Variants in ABCA9 observed in about 807,000 individuals in gnomAD.
The protein encoded by ABCA9 is ATP binding cassette subfamily A member 9.
In ABCA9, 183 loss-of-function variants were observed where a neutral mutation model predicts 205.3. The observed-to-expected ratio is 0.89, with a 90% CI of 0.79 to 1.01. The LOEUF is 1.01. Ranked by LOEUF, ABCA9 falls within the 50% of genes least tolerant of loss-of-function variation. The pLI, the probability that ABCA9 is intolerant of heterozygous loss-of-function variation, is 0.00. For synonymous variants in ABCA9, 651 were observed against 683.3 expected, an observed-to-expected ratio of 0.95 and a Z score of 0.74; for missense variants, 1,805 against 1,912.4, an observed-to-expected ratio of 0.94 and a Z score of 1.05.
intron 3 of ABCA9, among the ~76,000 whole-genome samples, chr17:69,047,732 A>G (rs1415984896): frequency 1.3e-5 from 2 of 152,202 alleles, no homozygotes; most frequent in African/African-American, 4.8e-5. Flanking sequence ...GTCACAAGAC[A>G]TGCCTAAGTT....
At chr17:69,028,767 T>C in intron 11 of ABCA9, 122 bp from the exon 12 acceptor site, 1 of 490,712 alleles carries the variant, frequency 2.0e-6, no homozygotes, top group Non-Finnish European at 3.4e-6. Context: ...ATAAAATTCA[T>C]CTTAAAATTC....
At chr17:69,076,094 T>C in the ABCA9 span, among the ~76,000 whole-genome samples, 1 of 152,156 alleles carries the variant, frequency 6.6e-6, no homozygotes, top group African/African-American at 2.4e-5. Flanking sequence ...CTTGTCTTGT[T>C]GCAGTTTTCA....
chr17:69,065,628 G>A (rs543572470), upstream of ABCA9, among the ~76,000 whole-genome samples: 4 of 151,956 alleles, frequency 2.6e-5, no homozygotes, highest in African/African-American at 9.7e-5. Flanking sequence ...AACTAACTCC[G>A]GTTCACAAGT....
chr17:69,037,835 A>G (rs539517948), intron 6 of ABCA9, among the ~76,000 whole-genome samples: 1 of 152,164 alleles, frequency 6.6e-6, no homozygotes, highest in Non-Finnish European at 1.5e-5. Flanking sequence ...ACTAATAAAG[A>G]AGAAAAGAGA....
At chr17:68,981,757 G>T (rs1296741914) in intron 37 of ABCA9, among the ~76,000 whole-genome samples, 1 of 147,590 alleles carries the variant, frequency 6.8e-6, no homozygotes, top group East Asian at 2.0e-4. Flanking sequence ...AACCCAGGAG[G>T]CAGAGGTGCA....
chr17:69,019,001 C>T (rs1025734585), intron 19 of ABCA9, among the ~76,000 whole-genome samples: 1 of 152,044 alleles, frequency 6.6e-6, no homozygotes, highest in African/African-American at 2.4e-5. Context: ...TTTCTCATTC[C>T]CCTGGGCACC....
At chr17:69,024,586 G>A (rs1351560521) in intron 16 of ABCA9, among the ~76,000 whole-genome samples, 1 of 152,104 alleles carries the variant, frequency 6.6e-6, no homozygotes, top group African/African-American at 2.4e-5. Context: ...GGTAACTCAA[G>A]GACTCTTATT....
chr17:69,043,433 A>T (rs1180362728), intron 6 of ABCA9, 56 bp downstream of exon 6: 2 of 1,414,802 alleles, frequency 1.4e-6, no homozygotes, highest in African/African-American at 2.9e-5. Flanking sequence ...GGAGTCAACC[A>T]GCTAAGTTGT....
At chr17:69,064,116 G>A (rs1229807536), upstream of ABCA9, among the ~76,000 whole-genome samples, 2 of 152,212 alleles carry the variant, frequency 1.3e-5, no homozygotes, top group African/African-American at 2.4e-5. Context: ...CAGGGAAGGG[G>A]ATGTAAGTCC....
chr17:69,061,705 T>C (rs1416144553), upstream of ABCA9, among the ~76,000 whole-genome samples: 1 of 152,252 alleles, frequency 6.6e-6, no homozygotes, highest in East Asian at 1.9e-4. Context: ...TTTCCAGTAT[T>C]GTTAGAGAAA....
At chr17:69,063,617 T>G (rs35753767), upstream of ABCA9, among the ~76,000 whole-genome samples, 54,357 of 151,590 alleles carry the variant, frequency 0.36, 10,054 homozygotes, top group East Asian at 0.68. Context: ...TTGTTTTTTT[T>G]TGTGTGTGTG....
intron 1 of ABCA9, among the ~76,000 whole-genome samples, chr17:69,057,341 G>C (rs1349150869): frequency 6.6e-6 from 1 of 152,200 alleles, no homozygotes; most frequent in Admixed American, 6.5e-5. Context: ...TTTTCAATGA[G>C]AGACAATCAC....
chr17:69,021,167 GA>G (rs2070794494), intron 18 of ABCA9, among the ~76,000 whole-genome samples: 1 of 151,412 alleles, frequency 6.6e-6, no homozygotes, highest in East Asian at 1.9e-4. Context: ...AATAAGAGAG[GA>G]AAAGGAGGAT....
At chr17:69,000,760 C>T (rs1481317657) in intron 25 of ABCA9, among the ~76,000 whole-genome samples, 1 of 151,294 alleles carries the variant, frequency 6.6e-6, no homozygotes, top group African/African-American at 2.4e-5. Context: ...TACCCATGAG[C>T]ATGGAATGTT....
In ABCA9 at chr17:69,033,723, T is replaced by TA; in HGVS notation, c.1276+2dup. On this transcript the variant is annotated splice_region_variant and intron_variant, in intron 9 of 38. Transcript: ENST00000340001. ...GTTAAATTACAGCCATGTTAGTACT[T>TA]ACCGGGCAAAATTTTGTCAAAATAT... 1 of 1,605,696 alleles carries TA rather than the reference T, an allele frequency of 6.2e-7. No individual in the cohort carries two copies. Among genetic ancestry groups the TA allele is most frequent in the Non-Finnish European group, 8.5e-7 (1 of 1,175,632 alleles).
intron 32 of ABCA9, among the ~76,000 whole-genome samples, chr17:68,985,727 A>G (rs2069210352): frequency 6.6e-6 from 1 of 152,200 alleles, no homozygotes; most frequent in Non-Finnish European, 1.5e-5. Flanking sequence ...TGGGAGGCCA[A>G]GGTGGGCAGA....
In ABCA9 at chr17:68,975,904, T is replaced by A; in HGVS notation, c.*11A>T. The A allele has an allele frequency of 6.3e-7, 1 of 1,591,870 alleles. No homozygotes were observed. Among genetic ancestry groups the A allele is most frequent in the South Asian group, 1.1e-5 (1 of 89,648 alleles). Reference sequence around the variant, plus strand: ...CACAGGATTAAAGAAAGATATAGGGTATTTGGAGCTTTAAGGCTCTTCCTG... The same window carrying A: ...CACAGGATTAAAGAAAGATATAGGGAATTTGGAGCTTTAAGGCTCTTCCTG... On this transcript the variant is annotated 3_prime_UTR_variant, in exon 39 of 39. Coordinates refer to ENST00000340001, the MANE Select transcript of ABCA9 (RefSeq NM_080283.4).
chr17:69,041,969 C>G (rs2071560223), intron 6 of ABCA9, among the ~76,000 whole-genome samples: 1 of 152,144 alleles, frequency 6.6e-6, no homozygotes, highest in African/African-American at 2.4e-5. Context: ...GTAGCATACG[C>G]CCAGAACCCT....
At chr17:68,979,466 G>T (rs996698625) in intron 37 of ABCA9, among the ~76,000 whole-genome samples, 2 of 150,802 alleles carry the variant, frequency 1.3e-5, no homozygotes, top group East Asian at 3.9e-4. Context: ...AAAAGAGCCT[G>T]CATTGCCAAG....
Sources: allele counts gnomAD v4.1 joint callset (sites outside exome capture counted in the v4.1 genomes callset), GRCh38; gene constraint gnomAD v4.1.1; transcripts MANE v1.5; gene names NCBI Gene and HGNC (gene_info 2026-07-23, HGNC 2026-07-21).